TRPV3: variants seen among roughly 807,000 people sequenced by gnomAD.
TRPV3 encodes the protein VRL-3.
In TRPV3, 88 loss-of-function variants were observed where a neutral mutation model predicts 87.1. The observed-to-expected ratio is 1.01, with a 90% CI of 0.85 to 1.21. The LOEUF (loss-of-function observed/expected upper bound fraction) is 1.21, where lower values mean the gene tolerates loss of function less well. Among genes scored for constraint, TRPV3 ranks in the 50% most tolerant of loss-of-function variants. The pLI, the probability that TRPV3 is intolerant of heterozygous loss-of-function variation, is 0.00. For synonymous variants in TRPV3, 438 were observed against 423.3 expected, an observed-to-expected ratio of 1.03 and a Z score of -0.43; for missense variants, 1,054 against 1,030.1, an observed-to-expected ratio of 1.02 and a Z score of -0.32.
At chr17:3,554,625 TGA>T (rs2074609218) in intron 2 of TRPV3, 105 bp downstream of exon 2, 3 of 784,366 alleles carry the variant, frequency 3.8e-6, no homozygotes, top group African/African-American at 3.5e-5. Context: ...CGGGCGAGAC[TGA>T]GAGTCTCAGG....
At chr17:3,552,847 G>A (rs1000207047) in intron 2 of TRPV3, 1 of 152,234 alleles carries the variant, frequency 6.6e-6, no homozygotes, top group Non-Finnish European at 1.5e-5. Context: ...GAGCCAGGGA[G>A]GTGGTCCTTG....
intron 11 of TRPV3, 91 bp from the exon 12 acceptor site, chr17:3,527,018 A>C: frequency 1.8e-5 from 19 of 1,031,442 alleles, no homozygotes; most frequent in Non-Finnish European, 2.8e-5. Flanking sequence ...ACCAAGACTC[A>C]GTGAGGGTTG....
rs530948053 is a variant in TRPV3 at position 3,540,283 on chromosome 17, G to A, written c.643+2239C>T. Among the ~76,000 whole-genome samples the A allele has an allele frequency of 2.6e-5, 4 of 152,206 alleles. No individual in the cohort carries two copies. In the South Asian group the frequency reaches 6.2e-4, roughly 24 times the overall value. ...CTGGTCCTGGAGCCCCTCTGCTCCG[G>A]GTGGAGGAAATGCTAAGAGGAAGGA... On this transcript the variant is annotated intron_variant, in intron 6 of 17. Transcript: ENST00000576742.
intron 2 of TRPV3, chr17:3,546,596 G>A (rs2074528069): frequency 2.2e-6 from 1 of 453,580 alleles, no homozygotes; most frequent in South Asian, 1.6e-5. Flanking sequence ...AGGTGAGGAA[G>A]GCCCCCCTTG....
rs1042584435 is a variant in TRPV3, at chr17:3,554,611, A to C, written c.119+121T>G. On this transcript the variant is annotated intron_variant, in intron 2 of 17. Coordinates refer to ENST00000576742, the MANE Select transcript of TRPV3 (RefSeq NM_145068.4). The stretch of plus-strand genomic sequence containing the variant: ...GTCATACCTCGCCGGGCACCGGGCC[A>C]CCCCGGGCGAGACTGAGAGTCTCAG... 2.0e-5 allele frequency: 14 copies of C among 708,714 alleles called. No individual in the cohort carries two copies. In the East Asian group the frequency reaches 3.6e-4, roughly 18 times the overall value. The allele number at this position is 708,714 out of a possible 1,614,324, so 43.9% of individuals were successfully genotyped here.
intron 7 of TRPV3, 46 bp downstream of exon 7, chr17:3,535,527 C>T (rs2074400907): frequency 6.6e-7 from 1 of 1,521,680 alleles, no homozygotes; most frequent in Non-Finnish European, 8.8e-7. Flanking sequence ...TCCCGTCTCC[C>T]TCCTCCCTCC....
At position 3,528,957 on chromosome 17, in the gene TRPV3, C is replaced by A. The variant is rs114034214; in HGVS notation, c.1281G>T (p.Thr427=). Reference sequence around the variant, plus strand: ...ACTTCTTCCACTTCATATGCAGCAGCGTGTGCAGCGGCTCCAGGGTCAGCA... The same window carrying A: ...ACTTCTTCCACTTCATATGCAGCAGAGTGTGCAGCGGCTCCAGGGTCAGCA... ...HEMLTLEPLH[T]LLHMKWKKFA... Residue 427 remains threonine, a synonymous_variant, in exon 10 of 18, where the codon ACG becomes ACT. Coordinates refer to ENST00000576742, the MANE Select transcript of TRPV3 (RefSeq NM_145068.4). This position sits in a 1 kb window ranked among gnomAD's most constrained non-coding sequence, Gnocchi z 4.2. 153 of 1,614,200 alleles carry A rather than the reference C, an allele frequency of 9.5e-5. No individual in the cohort carries two copies. The Middle Eastern group carries it at 1.3e-3, about 14-fold the overall frequency.
chr17:3,516,692 T>A, intron 15 of TRPV3, 123 bp from the exon 16 acceptor site: 1 of 710,082 alleles, frequency 1.4e-6, no homozygotes, highest in Non-Finnish European at 2.5e-6. Flanking sequence ...TCGCAAGGGT[T>A]TGGCTAATCT....
At position 3,556,284 on chromosome 17, in the gene TRPV3, A is replaced by G. The variant is rs1279983900; in HGVS notation, c.-3+1392T>C. On this transcript the variant is annotated intron_variant, in intron 1 of 17. Coordinates refer to ENST00000576742, the MANE Select transcript of TRPV3 (RefSeq NM_145068.4). The surrounding 1 kb of genome is among the most constrained non-coding windows in gnomAD (Gnocchi z 4.2). ...GTTGGGTGCAGAGGCTCTGGGTTAC[A>G]TAGGAGAGCGCGGGCTGCGTTGGGG... Among the ~76,000 whole-genome samples, 1 of 151,234 alleles carries G rather than the reference A, an allele frequency of 6.6e-6. No homozygotes were observed. The highest frequency in any genetic ancestry group is 1.5e-5 in the Non-Finnish European group (1 of 67,814).
At chr17:3,514,076 TTTTC>T in intron 17 of TRPV3, 65 bp from the exon 18 acceptor site, 3 of 1,339,924 alleles carry the variant, frequency 2.2e-6, no homozygotes, top group Non-Finnish European at 3.0e-6. Flanking sequence ...TCTTTTTTCT[TTTTC>T]TTTTTTTTCT....
intron 6 of TRPV3, among the ~76,000 whole-genome samples, chr17:3,537,197 C>T (rs2074415862): frequency 6.6e-6 from 1 of 152,120 alleles, no homozygotes; most frequent in Non-Finnish European, 1.5e-5. Flanking sequence ...GTGAGCATAG[C>T]TCACTGCAAC....
At chr17:3,523,676 C>G (rs1319910169) in intron 13 of TRPV3, among the ~76,000 whole-genome samples, 2 of 150,812 alleles carry the variant, frequency 1.3e-5, no homozygotes, top group Non-Finnish European at 2.9e-5. Context: ...CGAGATCGCA[C>G]CACTTTACTC....
intron 6 of TRPV3, chr17:3,539,781 ATGTCT>A (rs1287927294): frequency 2.6e-5 from 4 of 152,188 alleles, no homozygotes; most frequent in Non-Finnish European, 4.4e-5. Flanking sequence ...TATAATAAAA[ATGTCT>A]TAATTGAAGA....
At chr17:3,554,669 G>T (rs2074609868) in intron 2 of TRPV3, 63 bp downstream of exon 2, 4 of 1,157,416 alleles carry the variant, frequency 3.5e-6, no homozygotes, top group Non-Finnish European at 3.8e-6. Flanking sequence ...CTGGGGGGGT[G>T]CCAGGCCCCC....
chr17:3,531,571 C>G (rs387605), intron 8 of TRPV3, among the ~76,000 whole-genome samples: 52,140 of 151,902 alleles, frequency 0.34, 11,181 homozygotes, highest in Non-Finnish European at 0.48. Context: ...CCCTAGAAAA[C>G]AAGGGGGTCC....
In TRPV3 at chr17:3,523,589, G is replaced by A. The variant is rs576520756; in HGVS notation, c.1743+609C>T. 1.1e-4 allele frequency among the ~76,000 whole-genome samples: 16 copies of A among 151,944 alleles called. No individual in the cohort carries two copies. The South Asian group carries it at 2.1e-3, about 20-fold the overall frequency. On this transcript the variant is annotated intron_variant, in intron 13 of 17. Coordinates refer to ENST00000576742, the MANE Select transcript of TRPV3 (RefSeq NM_145068.4). ...CAAAAATTAGCCAACATGGTGGTGC[G>A]TGCCTGTGATCCCAGCTACTCTGGA...
intron 2 of TRPV3, among the ~76,000 whole-genome samples, chr17:3,548,015 C>A (rs2074542199): frequency 6.6e-6 from 1 of 152,198 alleles, no homozygotes; most frequent in East Asian, 1.9e-4. Flanking sequence ...TGAGGGTGAC[C>A]TCGGTGGCAG....
At chr17:3,546,828 T>C (rs401478) in intron 2 of TRPV3, 107,602 of 353,648 alleles carry the variant, frequency 0.3, 17,702 homozygotes, top group Non-Finnish European at 0.36. Context: ...ATTAGCTGGG[T>C]GTGGTGGTAT....
rs565786167 is a variant in TRPV3 at position 3,550,618 on chromosome 17, G to A, written c.119+4114C>T. ...CAGCTCACTGCAAGCTCTGCCTCCC[G>A]GGTTCATGCCATTCTCCTGCCTCAG... On this transcript the variant is annotated intron_variant, in intron 2 of 17. Transcript: ENST00000576742. 4.7e-3 allele frequency among the ~76,000 whole-genome samples: 649 copies of A among 138,346 alleles called. 6 individuals carry two copies. The highest frequency in any genetic ancestry group is 0.016 in the African/African-American group (589 of 37,988). 90.8% of individuals were successfully genotyped at this position (138,346 alleles called of 152,430 possible).
Sources: gnomAD v4.1 joint callset for allele counts (sites outside exome capture counted in the v4.1 genomes callset) on GRCh38, gnomAD v4.1.1 for gene constraint, Gnocchi (gnomAD v3.1) non-coding constraint, MANE v1.5 for transcripts, NCBI Gene and HGNC (gene_info 2026-07-23, HGNC 2026-07-21) for gene names.